Variants in WWC2 observed in about 807,000 individuals in gnomAD.
WWC2 encodes the protein WW and C2 domain containing 2.
WWC2 carries 101 observed loss-of-function variants against 138.5 expected under a neutral mutation model. That is an observed-to-expected ratio of 0.73 (90% CI 0.62 to 0.86). The LOEUF (loss-of-function observed/expected upper bound fraction) is 0.86. Among genes scored for constraint, WWC2 ranks in the 40% least tolerant of loss-of-function variants. WWC2 has a pLI of 0.00. For missense variants in WWC2, 1,420 were observed against 1,419.4 expected, an observed-to-expected ratio of 1.00 and a Z score of -0.01; for synonymous variants, 558 against 538.4, an observed-to-expected ratio of 1.04 and a Z score of -0.50.
chr4:183,312,636 C>T (rs1298119017), intron 22 of WWC2, among the ~76,000 whole-genome samples, 168 bp downstream of exon 22: 18 of 152,200 alleles, frequency 1.2e-4, no homozygotes, highest in Admixed American at 1.2e-3. Context: ...ATAAATGTGA[C>T]TGGCAGAGTT....
Position 183,289,458 on chromosome 4 carries a change from A to C in WWC2, c.3207A>C (p.Leu1069Phe), listed in dbSNP as rs773214592. Residue 1069 changes from leucine to phenylalanine, a missense_variant, in exon 21 of 23, where the codon TTA (leucine) becomes TTC (phenylalanine). Physicochemically the swap from Leu to Phe is conservative, Grantham distance 22. Coordinates refer to ENST00000403733, the MANE Select transcript of WWC2 (RefSeq NM_024949.6). The part of the protein sequence containing the change: ...QECPVRTSLD[L>F]ELDLQASLTR... ...GCCCAGTGCGGACATCTCTAGACTT[A>C]GAACTGGACCTTCAGGCATCTCTGA... The C allele has an allele frequency of 3.7e-6, 6 of 1,613,216 alleles. No homozygotes were observed. The highest frequency in any genetic ancestry group is 5.1e-6 in the Non-Finnish European group (6 of 1,179,588).
At chr4:183,311,669 T>A (rs1410111848) in intron 21 of WWC2, among the ~76,000 whole-genome samples, 1 of 144,716 alleles carries the variant, frequency 6.9e-6, no homozygotes, top group Non-Finnish European at 1.5e-5. Flanking sequence ...AAGCTCCACC[T>A]CCCAGGTTCA....
intron 8 of WWC2, among the ~76,000 whole-genome samples, chr4:183,251,665 G>C: frequency 6.6e-6 from 1 of 152,196 alleles, no homozygotes; most frequent in East Asian, 1.9e-4. Context: ...TCCTGGTTCA[G>C]TTGGTTAATT....
intron 16 of WWC2, among the ~76,000 whole-genome samples, chr4:183,275,239 T>G (rs111904775): frequency 1.3e-5 from 2 of 151,982 alleles, no homozygotes; most frequent in African/African-American, 4.8e-5. Context: ...TTCTATAAGA[T>G]CATATTGTTT....
At chr4:183,220,750 C>T (rs920041396) in intron 4 of WWC2, among the ~76,000 whole-genome samples, 11 of 151,416 alleles carry the variant, frequency 7.3e-5, no homozygotes, top group African/African-American at 2.2e-4. Flanking sequence ...AGGAGAATGG[C>T]GTGAACCCGG....
At chr4:183,266,465 A>G (rs562289676) in intron 14 of WWC2, among the ~76,000 whole-genome samples, 37 of 152,340 alleles carry the variant, frequency 2.4e-4, no homozygotes, top group African/African-American at 8.9e-4. Flanking sequence ...CAAGAATCCC[A>G]ACAAAGTGAT....
At chr4:183,285,702 A>G (rs547042034) in intron 19 of WWC2, among the ~76,000 whole-genome samples, 2 of 152,058 alleles carry the variant, frequency 1.3e-5, no homozygotes, top group Non-Finnish European at 2.9e-5. Context: ...AGAGGTTGCA[A>G]TGAGCCGAGA....
intron 8 of WWC2, among the ~76,000 whole-genome samples, chr4:183,253,107 A>C (rs981398689): frequency 6.6e-6 from 1 of 152,174 alleles, no homozygotes; most frequent in Admixed American, 6.5e-5. Context: ...TCTCGAACTC[A>C]TGGCCTCACA....
At chr4:183,293,633 T>C (rs1350360065) in intron 21 of WWC2, among the ~76,000 whole-genome samples, 1 of 152,170 alleles carries the variant, frequency 6.6e-6, no homozygotes, top group East Asian at 1.9e-4. Context: ...AGAAAAAAAG[T>C]AGCAAAAAGA....
In WWC2 at chr4:183,316,384, A is replaced by G. The variant is rs1739440091; in HGVS notation, c.*655A>G. 1 of 152,296 alleles carries G rather than the reference A, an allele frequency of 6.6e-6. No individual in the cohort carries two copies. The highest frequency in any genetic ancestry group is 6.5e-5 in the Admixed American group (1 of 15,298). The allele number at this position is 152,296 out of a possible 1,614,324, so 9.4% of individuals were successfully genotyped here. A position where few individuals can be genotyped will look rare whatever the true frequency, so the allele number is the denominator to read the frequency against. Reference sequence around the variant, plus strand: ...CTTAAGAATAAAAATAAGAATAAGAATACAAAGGAGCACTACTCTTGGCTA... The same window carrying G: ...CTTAAGAATAAAAATAAGAATAAGAGTACAAAGGAGCACTACTCTTGGCTA... On this transcript the variant is annotated 3_prime_UTR_variant, in exon 23 of 23. Coordinates refer to ENST00000403733, the MANE Select transcript of WWC2 (RefSeq NM_024949.6).
At chr4:183,241,421 C>T (rs1736618144) in intron 5 of WWC2, among the ~76,000 whole-genome samples, 1 of 152,224 alleles carries the variant, frequency 6.6e-6, no homozygotes, top group South Asian at 2.1e-4. Context: ...GATACGCAGG[C>T]ACTGCTCTTG....
At chr4:183,198,779 C>A (rs1412009703) in intron 2 of WWC2, among the ~76,000 whole-genome samples, 2 of 114,008 alleles carry the variant, frequency 1.8e-5, no homozygotes, top group Non-Finnish European at 3.4e-5. Flanking sequence ...CATATAAGAC[C>A]TCGTCTCTTT....
rs761615021 is a variant in WWC2, at chr4:183,249,900, C to T, written c.880-20C>T. On this transcript the variant is annotated intron_variant, in intron 7 of 22. Transcript: ENST00000403733. The stretch of plus-strand genomic sequence containing the variant: ...ATTAGCAGAGTTAATTGACTTTTTT[C>T]CTTTTTCTTTTTCCACTAGATTGGA... 1.9e-6 allele frequency: 3 copies of T among 1,604,624 alleles called. No individual in the cohort carries two copies. The highest frequency in any genetic ancestry group is 1.1e-5 in the South Asian group (1 of 89,506).
chr4:183,136,418 CTT>C (rs1733117351), intron 1 of WWC2, among the ~76,000 whole-genome samples: 1 of 152,012 alleles, frequency 6.6e-6, no homozygotes, highest in African/African-American at 2.4e-5. Flanking sequence ...TTAGTTATAT[CTT>C]ATTTCTGGGA....
intron 1 of WWC2, among the ~76,000 whole-genome samples, chr4:183,180,429 C>G (rs974506208): frequency 6.6e-6 from 1 of 152,138 alleles, no homozygotes; most frequent in Non-Finnish European, 1.5e-5. Flanking sequence ...AATACTGTGC[C>G]TGTAACTCAT....
chr4:183,099,701 G>T, intron 1 of WWC2, 79 bp downstream of exon 1: 1 of 1,156,150 alleles, frequency 8.6e-7, no homozygotes, highest in Non-Finnish European at 1.1e-6. Context: ...GCGGGGGGCT[G>T]GGGCGGCGCC....
At chr4:183,289,891 G>A (rs1183427706) in intron 21 of WWC2, among the ~76,000 whole-genome samples, 2 of 151,786 alleles carry the variant, frequency 1.3e-5, no homozygotes, top group Non-Finnish European at 2.9e-5. Flanking sequence ...TGAGGGCGTG[G>A]CCAGTGGGGG....
intron 1 of WWC2, among the ~76,000 whole-genome samples, chr4:183,123,434 T>TGTGTGA (rs55779411): frequency 1.3e-5 from 2 of 151,144 alleles, no homozygotes; most frequent in Non-Finnish European, 2.9e-5. Context: ...TGTGTGTGTG[T>TGTGTGA]ATTTCATGTA....
intron 1 of WWC2, among the ~76,000 whole-genome samples, chr4:183,178,528 GC>G (rs1319947938): frequency 5.3e-5 from 8 of 151,468 alleles, no homozygotes; most frequent in Admixed American, 2.6e-4. Context: ...CTGCAGCCCA[GC>G]CTGAGCAGTA....
Sources: gnomAD v4.1 joint callset for allele counts (sites outside exome capture counted in the v4.1 genomes callset) on GRCh38, gnomAD v4.1.1 for gene constraint, MANE v1.5 for transcripts, NCBI Gene and HGNC (gene_info 2026-07-23, HGNC 2026-07-21) for gene names.